The following BLM variants were observed in gnomAD, a reference collection of about 807,000 sequenced individuals.
BLM encodes the protein recQ-like DNA helicase BLM.
BLM carries 95 observed loss-of-function variants against 135.3 expected under a neutral mutation model. The observed-to-expected ratio is 0.70, with a 90% CI of 0.59 to 0.83. The LOEUF (loss-of-function observed/expected upper bound fraction) is 0.83. Among genes scored for constraint, BLM ranks in the 40% least tolerant of loss-of-function variants. The pLI is 0.00. For missense variants in BLM, 1,518 were observed against 1,663.9 expected (o/e 0.91, Z 1.53); for synonymous variants, 520 against 589.2 (o/e 0.88, Z 1.70).
At position 90,761,091 on chromosome 15, in the gene BLM, AT is replaced by A; in HGVS notation, c.1721del (p.Leu574Ter). 3 of 1,553,716 alleles carry A rather than the reference AT, an allele frequency of 1.9e-6. No individual in the cohort carries two copies. The South Asian group carries it at 3.8e-5, about 20-fold the overall frequency. ...GATGACTGGGAAGACATAATGCATA[AT>A]TTAGCAGCCAGCAAATCTTCCACAG... ...DDDDWEDIMH[N>X]LAASKSSTAA... is the part of the protein sequence containing the mutation. On this transcript the variant is annotated frameshift_variant, in exon 7 of 22. Coordinates refer to ENST00000355112, the MANE Select transcript of BLM (RefSeq NM_000057.4). LOFTEE classifies it high-confidence loss of function.
intron 17 of BLM, among the ~76,000 whole-genome samples, chr15:90,800,743 A>G (rs1300455161): frequency 1.3e-5 from 2 of 152,088 alleles, no homozygotes; most frequent in Non-Finnish European, 2.9e-5. Flanking sequence ...GAATGGTTTT[A>G]TTGATAACAG....
chr15:90,808,212 T>A (rs1897324619), intron 19 of BLM, among the ~76,000 whole-genome samples: 1 of 152,246 alleles, frequency 6.6e-6, no homozygotes, highest in Non-Finnish European at 1.5e-5. Context: ...ACTTTATCTT[T>A]CATTAAACCC....
At chr15:90,739,704 A>T (rs28364260) in intron 1 of BLM, among the ~76,000 whole-genome samples, 19 of 152,142 alleles carry the variant, frequency 1.2e-4, no homozygotes, top group South Asian at 2.1e-4. Context: ...TTTTTTTGAT[A>T]ATCTGGAAGT....
intron 1 of BLM, among the ~76,000 whole-genome samples, chr15:90,729,938 C>T (rs182130585): frequency 2.3e-3 from 353 of 152,186 alleles, no homozygotes; most frequent in Non-Finnish European, 3.6e-3. Context: ...CTCCGCCTCC[C>T]GGGTTCAAGC....
chr15:90,751,737 T>C (rs1259297735), intron 3 of BLM, 50 bp from the exon 4 acceptor site: 1 of 1,517,668 alleles, frequency 6.6e-7, no homozygotes, highest in Non-Finnish European at 9.1e-7. Flanking sequence ...CTGTTCTTTC[T>C]GTCTCATTAG....
chr15:90,801,317 C>T (rs1478922381), intron 17 of BLM, among the ~76,000 whole-genome samples: 1 of 152,112 alleles, frequency 6.6e-6, no homozygotes, highest in Non-Finnish European at 1.5e-5. Context: ...AATCAACATA[C>T]AGACCTAAAC....
intron 16 of BLM, 148 bp from the exon 17 acceptor site, chr15:90,798,042 A>G: frequency 1.6e-6 from 1 of 617,052 alleles, no homozygotes; most frequent in South Asian, 2.2e-5. Flanking sequence ...CTTAGATAAG[A>G]ATGAACATTT....
At chr15:90,807,411 G>GT (rs1012530842) in intron 19 of BLM, among the ~76,000 whole-genome samples, 3 of 151,962 alleles carry the variant, frequency 2.0e-5, no homozygotes, top group African/African-American at 7.3e-5. Context: ...GCTTTGTTTT[G>GT]TTTTTTTGGA....
At chr15:90,760,044 C>A (rs2151156834) in intron 5 of BLM, 103 bp from the exon 6 acceptor site, 1 of 1,162,550 alleles carries the variant, frequency 8.6e-7, no homozygotes. Context: ...CCTGCCTTGG[C>A]CTCCCCAAAG....
intron 1 of BLM, among the ~76,000 whole-genome samples, chr15:90,725,122 T>A (rs1453021936): frequency 1.3e-5 from 2 of 152,138 alleles, no homozygotes; most frequent in East Asian, 3.9e-4. Context: ...TTGTCCAGGA[T>A]GGTCTCAAAC....
intron 5 of BLM, among the ~76,000 whole-genome samples, chr15:90,756,029 G>T (rs1020155126): frequency 1.3e-5 from 2 of 151,952 alleles, no homozygotes; most frequent in Non-Finnish European, 2.9e-5. Flanking sequence ...TGATGTGCTG[G>T]GCGCTCTTAT....
At chr15:90,748,310 G>A (rs533536074) in intron 2 of BLM, among the ~76,000 whole-genome samples, 1 of 151,460 alleles carries the variant, frequency 6.6e-6, no homozygotes, top group African/African-American at 2.4e-5. Context: ...ATTTGTCCAT[G>A]TTGGGCAGAC....
chr15:90,799,867 A>G (rs1366425152), intron 17 of BLM, among the ~76,000 whole-genome samples: 2 of 152,150 alleles, frequency 1.3e-5, no homozygotes, highest in East Asian at 3.9e-4. Flanking sequence ...TGGGGCTTAT[A>G]TACCATCTTA....
At chr15:90,792,078 G>A (rs1896917569) in intron 15 of BLM, among the ~76,000 whole-genome samples, 1 of 146,630 alleles carries the variant, frequency 6.8e-6, no homozygotes, top group Non-Finnish European at 1.5e-5. Context: ...TTTCTTCTGA[G>A]ACCACTTTTT....
At chr15:90,723,662 A>T (rs867792332) in intron 1 of BLM, among the ~76,000 whole-genome samples, 15 of 152,144 alleles carry the variant, frequency 9.9e-5, no homozygotes, top group South Asian at 2.1e-4. Context: ...CTAAAAAAAA[A>T]TTTTTTTAAA....
intron 13 of BLM, among the ~76,000 whole-genome samples, chr15:90,783,780 A>G (rs367677996): frequency 1.8e-3 from 273 of 152,268 alleles, no homozygotes; most frequent in African/African-American, 6.2e-3. Flanking sequence ...AATTCCAGCT[A>G]TTCTGGAGGC....
intron 12 of BLM, among the ~76,000 whole-genome samples, chr15:90,778,903 T>TTTTTTTTTTTTTTTTTTTTTG (rs1484776686): frequency 6.6e-6 from 1 of 150,990 alleles, no homozygotes; most frequent in African/African-American, 2.4e-5. Flanking sequence ...TTTTTTTTTT[T>TTTTTTTTTTTTTTTTTTTTTG]GAGACGGAGT....
intron 21 of BLM, among the ~76,000 whole-genome samples, chr15:90,813,484 C>T (rs916650815): frequency 1.3e-5 from 2 of 152,116 alleles, no homozygotes; most frequent in African/African-American, 4.8e-5. Context: ...GCCTCTGCCT[C>T]CCGGGTTCAA....
chr15:90,800,680 C>CAA (rs139738393), intron 17 of BLM, among the ~76,000 whole-genome samples: 9 of 141,668 alleles, frequency 6.4e-5, no homozygotes, highest in South Asian at 2.3e-4. Flanking sequence ...AACTCCATCT[C>CAA]AAAAAAAAAA....
Sources: gnomAD v4.1 joint callset for allele counts (sites outside exome capture counted in the v4.1 genomes callset) on GRCh38, gnomAD v4.1.1 for gene constraint, MANE v1.5 for transcripts, NCBI Gene and HGNC (gene_info 2026-07-23, HGNC 2026-07-21) for gene names.